SLC10A7: variants seen among roughly 807,000 people sequenced by gnomAD.
SLC10A7 encodes the protein solute carrier family 10 member 7.
A neutral mutation model predicts 43.2 loss-of-function variants in SLC10A7; 29 were observed. The ratio of observed to expected loss-of-function variants is 0.67; its 90% CI spans 0.50 to 0.92. SLC10A7 has a LOEUF of 0.92. Among genes scored for constraint, SLC10A7 ranks in the 40% least tolerant of loss-of-function variants. SLC10A7 has a pLI of 0.00. For synonymous variants in SLC10A7, 152 were observed against 144.8 expected, an observed-to-expected ratio of 1.05 and a Z score of -0.35; for missense variants, 295 against 403.2, an observed-to-expected ratio of 0.73 and a Z score of 2.30.
chr4:146,350,161 G>A (rs1418449165), intron 5 of SLC10A7, among the ~76,000 whole-genome samples: 1 of 146,246 alleles, frequency 6.8e-6, no homozygotes, highest in African/African-American at 2.6e-5. Flanking sequence ...GTGGGCGCAG[G>A]CCAGTGGGTG....
intron 5 of SLC10A7, among the ~76,000 whole-genome samples, chr4:146,374,089 G>C (rs1736988721): frequency 6.6e-6 from 1 of 152,194 alleles, no homozygotes; most frequent in South Asian, 2.1e-4. Flanking sequence ...GATTGGAAGA[G>C]ACCTGGGTTT....
At chr4:146,468,021 A>T (rs187344300) in intron 4 of SLC10A7, among the ~76,000 whole-genome samples, 1 of 152,276 alleles carries the variant, frequency 6.6e-6, no homozygotes, top group Admixed American at 6.5e-5. Context: ...TTACCATGTG[A>T]AACAGCCATG....
intron 6 of SLC10A7, 60 bp from the exon 7 acceptor site, chr4:146,306,069 T>A: frequency 7.6e-7 from 1 of 1,317,952 alleles, no homozygotes; most frequent in East Asian, 2.6e-5. Flanking sequence ...GCATTAGTGT[T>A]TATAAATAAT....
At chr4:146,266,510 C>T (rs1225134571) in intron 10 of SLC10A7, among the ~76,000 whole-genome samples, 9 of 152,244 alleles carry the variant, frequency 5.9e-5, no homozygotes, top group Middle Eastern at 3.4e-3. Context: ...AAGTCAAACT[C>T]ACAGCCACTG....
At chr4:146,455,259 C>T (rs6537422) in intron 4 of SLC10A7, among the ~76,000 whole-genome samples, 77,899 of 151,482 alleles carry the variant, frequency 0.51, 20,541 homozygotes, top group East Asian at 0.64. Flanking sequence ...CAGAAATTAA[C>T]TTTAAAATGG....
intron 5 of SLC10A7, among the ~76,000 whole-genome samples, chr4:146,334,475 A>G (rs943247792): frequency 1.3e-5 from 2 of 152,104 alleles, no homozygotes; most frequent in African/African-American, 4.8e-5. Context: ...CTAGCTGTAA[A>G]GAGGAGGAGA....
chr4:146,421,580 C>A (rs897958882), intron 5 of SLC10A7, among the ~76,000 whole-genome samples: 4 of 152,182 alleles, frequency 2.6e-5, no homozygotes, highest in Non-Finnish European at 5.9e-5. Context: ...TACTGTCTCA[C>A]CTAATTTCCA....
chr4:146,275,598 G>A (rs1353338218), intron 10 of SLC10A7, among the ~76,000 whole-genome samples: 1 of 152,108 alleles, frequency 6.6e-6, no homozygotes, highest in Non-Finnish European at 1.5e-5. Flanking sequence ...TTTATGGGAA[G>A]TGACCTACAC....
chr4:146,351,091 A>G lies in SLC10A7; in HGVS notation c.436-25095T>C, dbSNP rs534531589. Among the ~76,000 whole-genome samples, 1,094 of 149,900 alleles carry G rather than the reference A, an allele frequency of 7.3e-3. 11 individuals are homozygous for G. Among genetic ancestry groups the G allele is most frequent in the Middle Eastern group, 0.024 (7 of 294 alleles). On this transcript the variant is annotated intron_variant, in intron 5 of 11. Coordinates refer to ENST00000335472, the MANE Select transcript of SLC10A7 (RefSeq NM_001029998.6). ...AGATGATCAAATTACTCTGAGCTAC[A>G]GGAGGACATTCAAACCAAAGGCAAA... is the stretch of plus-strand genomic sequence containing the variant.
chr4:146,437,873 T>A (rs1051113029), intron 5 of SLC10A7, among the ~76,000 whole-genome samples: 15 of 152,054 alleles, frequency 9.9e-5, no homozygotes, highest in South Asian at 2.1e-4. Context: ...ATTCTTACAT[T>A]TATGTTACCA....
chr4:146,309,931 A>G (rs1731845093), intron 6 of SLC10A7, among the ~76,000 whole-genome samples: 1 of 152,128 alleles, frequency 6.6e-6, no homozygotes, highest in Non-Finnish European at 1.5e-5. Context: ...GATAGTGAGC[A>G]TAGTACCCAA....
At chr4:146,308,121 G>A (rs960760670) in intron 6 of SLC10A7, among the ~76,000 whole-genome samples, 1 of 152,126 alleles carries the variant, frequency 6.6e-6, no homozygotes, top group Non-Finnish European at 1.5e-5. Flanking sequence ...GGTTACAGCA[G>A]CCTTCCTCAG....
intron 5 of SLC10A7, among the ~76,000 whole-genome samples, chr4:146,441,413 TCAGA>T (rs1050663493): frequency 6.6e-6 from 1 of 152,176 alleles, no homozygotes; most frequent in Non-Finnish European, 1.5e-5. Flanking sequence ...TTTTAGTCAC[TCAGA>T]CAATTGTGTC....
rs1727855082 is a variant in SLC10A7 at position 146,255,754 on chromosome 4, G to T, written c.*737C>A. ...ACAGAAATTATTGAATAAAGAGGAA[G>T]AAGATATTAAGATATATTTTAAAGA... is the stretch of plus-strand genomic sequence containing the variant. On this transcript the variant is annotated 3_prime_UTR_variant, in exon 12 of 12. Transcript: ENST00000335472. The T allele has an allele frequency of 6.6e-6, 1 of 152,170 alleles. No homozygotes were observed. The highest frequency in any genetic ancestry group is 6.5e-5 in the Admixed American group (1 of 15,288). 9.4% of individuals were successfully genotyped at this position (152,170 alleles called of 1,614,324 possible).
intron 4 of SLC10A7, among the ~76,000 whole-genome samples, chr4:146,489,662 G>T (rs549517630): frequency 6.6e-6 from 1 of 152,274 alleles, no homozygotes; most frequent in Non-Finnish European, 1.5e-5. Context: ...TTGTGCATCA[G>T]AACAGTCCTG....
At chr4:146,443,344 C>T (rs1479253035) in intron 4 of SLC10A7, among the ~76,000 whole-genome samples, 1 of 152,034 alleles carries the variant, frequency 6.6e-6, no homozygotes, top group Non-Finnish European at 1.5e-5. Context: ...ATTGCTGTAC[C>T]ATTAATTCTA....
chr4:146,442,562 A>G, intron 5 of SLC10A7: 1 of 1,378,324 alleles, frequency 7.3e-7, no homozygotes, highest in African/African-American at 1.5e-5. Context: ...GAATTCATTA[A>G]ATGGAATTTT....
chr4:146,296,020 C>T (rs766143020), intron 7 of SLC10A7, among the ~76,000 whole-genome samples: 7 of 152,110 alleles, frequency 4.6e-5, no homozygotes, highest in Admixed American at 1.3e-4. Context: ...CAAGACAAAT[C>T]TGTAATAATT....
In SLC10A7 at chr4:146,521,620, C is replaced by A. The variant is rs771117639; in HGVS notation, c.98G>T (p.Gly33Val). ...GCCGGCAGAGGTGCAGCACTTACCC[C>A]CATTCACCCCTATGGACGGCTCCAG... The part of the protein sequence containing the change: ...AKLEPSIGVN[G>V]GPLKPEITVS... The change falls in exon 1 of 12, where the codon GGG becomes GTG. Residue 33 changes from glycine (G) to valine (V), a missense_variant and splice_region_variant. By Grantham distance (109) the Gly-to-Val change is moderately radical. Coordinates refer to ENST00000335472, the MANE Select transcript of SLC10A7 (RefSeq NM_001029998.6). The A allele has an allele frequency of 1.2e-6, 2 of 1,613,138 alleles. No individual in the cohort carries two copies. The highest frequency in any genetic ancestry group is 3.3e-5 in the Admixed American group (2 of 59,986).
Sources: gnomAD v4.1 joint callset for allele counts (sites outside exome capture counted in the v4.1 genomes callset) on GRCh38, gnomAD v4.1.1 for gene constraint, MANE v1.5 for transcripts, NCBI Gene and HGNC (gene_info 2026-07-23, HGNC 2026-07-21) for gene names.